COL25A1: variants seen among roughly 807,000 people sequenced by gnomAD.
COL25A1 encodes collagen alpha-1(XXV) chain.
COL25A1 carries 103 observed loss-of-function variants against 128.4 expected under a neutral mutation model. That is an observed-to-expected ratio of 0.80 (90% CI 0.68 to 0.94). The LOEUF (loss-of-function observed/expected upper bound fraction) is 0.94. Among genes scored for constraint, COL25A1 ranks in the 40% least tolerant of loss-of-function variants. The pLI, the probability that COL25A1 is intolerant of heterozygous loss-of-function variation, is 0.00. For synonymous variants in COL25A1, 279 were observed against 277.2 expected, an observed-to-expected ratio of 1.01 and a Z score of -0.06; for missense variants, 745 against 840.0, an observed-to-expected ratio of 0.89 and a Z score of 1.40.
chr4:109,059,653 C>T (rs1761769486), intron 3 of COL25A1, among the ~76,000 whole-genome samples: 1 of 152,130 alleles, frequency 6.6e-6, no homozygotes, highest in South Asian at 2.1e-4. Flanking sequence ...CATGGCTCGT[C>T]TAAGGGGATG....
At chr4:109,218,359 T>TTTTTTTG (rs1778177182) in intron 3 of COL25A1, among the ~76,000 whole-genome samples, 1 of 112,232 alleles carries the variant, frequency 8.9e-6, no homozygotes, top group African/African-American at 4.7e-5. Flanking sequence ...TTTTTGGGGT[T>TTTTTTTG]TTTTTTTTTT....
intron 3 of COL25A1, among the ~76,000 whole-genome samples, chr4:109,204,352 A>C (rs573199667): frequency 6.6e-5 from 10 of 152,324 alleles, no homozygotes; most frequent in African/African-American, 2.2e-4. Flanking sequence ...TTGAGATAAT[A>C]ATTCTGAAAG....
intron 3 of COL25A1, among the ~76,000 whole-genome samples, chr4:109,093,457 G>GAAAAAAAAAAAAAAAAAA (rs564834752): frequency 1.4e-5 from 1 of 69,458 alleles, no homozygotes; most frequent in African/African-American, 6.7e-5. Flanking sequence ...CCATCTCTAT[G>GAAAAAAAAAAAAAAAAAA]AAAAAAAAAA....
intron 19 of COL25A1, among the ~76,000 whole-genome samples, chr4:108,872,140 C>A (rs143153208): frequency 6.6e-6 from 1 of 152,126 alleles, no homozygotes; most frequent in African/African-American, 2.4e-5. Context: ...ATAGGCCAGG[C>A]GTGGTGGCTC....
At chr4:109,065,284 G>T (rs560548676) in intron 3 of COL25A1, among the ~76,000 whole-genome samples, 1 of 152,236 alleles carries the variant, frequency 6.6e-6, no homozygotes, top group South Asian at 2.1e-4. Context: ...GTGAGGGAGA[G>T]GGAGGACTGT....
intron 8 of COL25A1, among the ~76,000 whole-genome samples, chr4:108,950,977 C>T (rs1420153623): frequency 6.6e-6 from 1 of 152,208 alleles, no homozygotes; most frequent in Non-Finnish European, 1.5e-5. Flanking sequence ...GAAATTGAGA[C>T]ACGTGAAGAT....
chr4:108,992,142 CTGAG>C (rs933635914), intron 6 of COL25A1, among the ~76,000 whole-genome samples: 3 of 152,142 alleles, frequency 2.0e-5, no homozygotes, highest in East Asian at 1.9e-4. Flanking sequence ...TTTTTTCTCA[CTGAG>C]TAATACAGAA....
chr4:108,956,892 G>A (rs539147902), intron 8 of COL25A1, among the ~76,000 whole-genome samples: 6 of 152,192 alleles, frequency 3.9e-5, no homozygotes, highest in Non-Finnish European at 7.3e-5. Context: ...ATGGAATGAT[G>A]AGAGTGGTAT....
At chr4:108,962,190 T>A (rs940608701) in intron 8 of COL25A1, among the ~76,000 whole-genome samples, 1 of 134,834 alleles carries the variant, frequency 7.4e-6, no homozygotes, top group African/African-American at 2.6e-5. Context: ...CGATTCTTTT[T>A]TTTTCTTTTT....
intron 3 of COL25A1, among the ~76,000 whole-genome samples, chr4:109,127,451 A>G (rs966857420): frequency 4.6e-5 from 7 of 152,146 alleles, no homozygotes; most frequent in Non-Finnish European, 8.8e-5. Flanking sequence ...TCTAGTGGTT[A>G]TTAGTTGGGT....
At position 108,809,406 on chromosome 4, in the gene COL25A1, A is replaced by G. The variant is rs1730623325; in HGVS notation, c.*4521T>C. ...ATTCACATAAATGTCAACAGTATGT[A>G]AGACATTCTTTTGTGAATCCAATTC... is the stretch of plus-strand genomic sequence containing the variant. On this transcript the variant is annotated 3_prime_UTR_variant, in exon 38 of 38. Coordinates refer to ENST00000399132, the MANE Select transcript of COL25A1 (RefSeq NM_198721.4). 1 of 152,138 alleles carries G rather than the reference A, an allele frequency of 6.6e-6. No individual in the cohort carries two copies. The highest frequency in any genetic ancestry group is 1.5e-5 in the Non-Finnish European group (1 of 67,960). 9.4% of individuals were successfully genotyped at this position (152,138 alleles called of 1,614,324 possible).
chr4:109,138,194 T>C lies in COL25A1; in HGVS notation c.368-88015A>G, dbSNP rs559616185. 7.9e-5 allele frequency among the ~76,000 whole-genome samples: 12 copies of C among 152,218 alleles called. No individual in the cohort carries two copies. In the East Asian group the frequency reaches 2.3e-3, roughly 29 times the overall value. On this transcript the variant is annotated intron_variant, in intron 3 of 37. Transcript: ENST00000399132. ...ATGTTCCTCTCCCTGTGTCCATGTG[T>C]TTTCATTGTTCAACTCCCACTTATG...
chr4:109,202,675 G>C (rs1776648957), intron 3 of COL25A1, among the ~76,000 whole-genome samples: 1 of 152,066 alleles, frequency 6.6e-6, no homozygotes. Context: ...ACTGTTAAGA[G>C]AATGAAGGGA....
chr4:108,924,328 A>G (rs1356561395), intron 11 of COL25A1, among the ~76,000 whole-genome samples: 1 of 152,202 alleles, frequency 6.6e-6, no homozygotes, highest in African/African-American at 2.4e-5. Context: ...ACTGGTGAAC[A>G]CAGTAAGAAA....
At chr4:109,197,479 TTATATATTATATATAAA>T (rs1776204092) in intron 3 of COL25A1, among the ~76,000 whole-genome samples, 1 of 117,826 alleles carries the variant, frequency 8.5e-6, no homozygotes, top group African/African-American at 3.1e-5. Flanking sequence ...ATAATATATA[TTATATATTATATATAAA>T]TATATATTAT....
chr4:109,248,039 C>T (rs181789902), intron 3 of COL25A1, among the ~76,000 whole-genome samples: 5 of 152,084 alleles, frequency 3.3e-5, no homozygotes, highest in Admixed American at 1.3e-4. Flanking sequence ...GAGAAAAACC[C>T]GTATTGTCCC....
At chr4:108,967,689 A>T (rs1381591583) in intron 8 of COL25A1, among the ~76,000 whole-genome samples, 2 of 152,166 alleles carry the variant, frequency 1.3e-5, no homozygotes. Flanking sequence ...CACTATAGTA[A>T]GGCTTAGAGA....
chr4:108,925,991 G>T (rs1746007707), intron 11 of COL25A1, among the ~76,000 whole-genome samples: 1 of 152,128 alleles, frequency 6.6e-6, no homozygotes, highest in African/African-American at 2.4e-5. Context: ...TTCAAAGTAG[G>T]CTGTTAAGAA....
At chr4:109,013,267 T>C (rs1756840477) in intron 5 of COL25A1, among the ~76,000 whole-genome samples, 1 of 143,834 alleles carries the variant, frequency 7.0e-6, no homozygotes, top group Non-Finnish European at 1.5e-5. Flanking sequence ...TAGTGGGGAC[T>C]TGGAGAACTT....
Sources: gnomAD v4.1 joint callset for allele counts (sites outside exome capture counted in the v4.1 genomes callset) on GRCh38, gnomAD v4.1.1 for gene constraint, MANE v1.5 for transcripts, NCBI Gene and HGNC (gene_info 2026-07-23, HGNC 2026-07-21) for gene names.